Variants in XRCC4 observed in about 807,000 individuals in gnomAD.
XRCC4 encodes the protein DNA repair protein XRCC4.
In XRCC4, 28 loss-of-function variants were observed where a neutral mutation model predicts 39.1. The ratio of observed to expected loss-of-function variants is 0.72; its 90% confidence interval spans 0.53 to 0.98. The LOEUF is 0.98. Ranked by LOEUF, XRCC4 falls within the 50% of genes least tolerant of loss-of-function variation. The pLI, the probability that XRCC4 is intolerant of heterozygous loss-of-function variation, is 0.00. For missense variants in XRCC4, 350 were observed against 376.4 expected, an observed-to-expected ratio of 0.93 and a Z score of 0.58; for synonymous variants, 123 against 126.4, an observed-to-expected ratio of 0.97 and a Z score of 0.18.
At chr5:83,309,284 AAAAAAAAAAAAAAT>A (rs1243568299) in intron 7 of XRCC4, among the ~76,000 whole-genome samples, 2 of 119,244 alleles carry the variant, frequency 1.7e-5, no homozygotes, top group Admixed American at 9.7e-5. Context: ...AAAAAAAAAA[AAAAAAAAAAAAAAT>A]ATATATATAT....
intron 3 of XRCC4, among the ~76,000 whole-genome samples, chr5:83,156,038 C>A (rs1748943958): frequency 6.6e-6 from 1 of 151,972 alleles, no homozygotes; most frequent in African/African-American, 2.4e-5. Context: ...TAATTTAAAT[C>A]TTTACATTCA....
intron 6 of XRCC4, among the ~76,000 whole-genome samples, chr5:83,226,901 A>G (rs1274000740): frequency 6.6e-6 from 1 of 151,994 alleles, no homozygotes; most frequent in Non-Finnish European, 1.5e-5. Context: ...TTAGAAAAGT[A>G]TTGGTCATTG....
intron 7 of XRCC4, among the ~76,000 whole-genome samples, chr5:83,328,607 C>T (rs1224767457): frequency 2.6e-5 from 4 of 152,154 alleles, no homozygotes; most frequent in East Asian, 1.9e-4. Flanking sequence ...TGTAGTTTCA[C>T]TTATTTGTCA....
chr5:83,301,542 A>C (rs1018934754), intron 7 of XRCC4, among the ~76,000 whole-genome samples: 2 of 152,052 alleles, frequency 1.3e-5, no homozygotes, highest in African/African-American at 4.8e-5. Flanking sequence ...CACTCTGATG[A>C]TAGTTTCCTT....
chr5:83,320,422 C>T (rs956809249), intron 7 of XRCC4, among the ~76,000 whole-genome samples: 16 of 149,006 alleles, frequency 1.1e-4, no homozygotes, highest in African/African-American at 4.9e-5. Flanking sequence ...CCACTCCTGG[C>T]GAAGATTCTA....
chr5:83,111,152 T>C lies in XRCC4; in HGVS notation c.264T>C (p.Phe88=), dbSNP rs1746427536. ...CAGCTGATGTATACACGTTTAATTT[T>C]TCTAAAGAGTCTTGTTATTTCTTCT... ...AGPADVYTFN[F]SKESCYFFFE... The change falls in exon 3 of 8, where the codon TTT becomes TTC. Residue 88 remains phenylalanine, a synonymous_variant. Transcript: ENST00000396027. 6.2e-7 allele frequency: 1 copy of C among 1,603,168 alleles called. No individual in the cohort carries two copies. The highest frequency in any genetic ancestry group is 8.5e-7 in the Non-Finnish European group (1 of 1,176,576).
chr5:83,184,463 G>A (rs1386001744), intron 3 of XRCC4, among the ~76,000 whole-genome samples: 2 of 151,810 alleles, frequency 1.3e-5, no homozygotes. Flanking sequence ...ATTTTTTAAT[G>A]GGAAGGAGCT....
chr5:83,228,708 TA>T (rs1403499638), intron 6 of XRCC4, among the ~76,000 whole-genome samples: 4 of 152,016 alleles, frequency 2.6e-5, no homozygotes, highest in Admixed American at 1.3e-4. Context: ...TTTTATTCAC[TA>T]AAAAAACAAT....
intron 7 of XRCC4, among the ~76,000 whole-genome samples, chr5:83,352,187 A>G (rs918540655): frequency 9.9e-5 from 15 of 152,202 alleles, no homozygotes; most frequent in African/African-American, 3.6e-4. Flanking sequence ...TTCAAGTCCC[A>G]TGCTTTCTCA....
At chr5:83,307,691 GA>G (rs1226702803) in intron 7 of XRCC4, among the ~76,000 whole-genome samples, 1 of 152,030 alleles carries the variant, frequency 6.6e-6, no homozygotes, top group African/African-American at 2.4e-5. Context: ...GAGATAGAAA[GA>G]AAAAACAATT....
At position 83,241,397 on chromosome 5, in the gene XRCC4, AATCT is replaced by A. The variant is rs575290276; in HGVS notation, c.746-17128_746-17125del. ...AAGAAGCACGACATAATTTTACACA[AATCT>A]ATCTTTTTGTGTAATGAATATAATA... On this transcript the variant is annotated intron_variant, in intron 6 of 7. Coordinates refer to ENST00000396027, the MANE Select transcript of XRCC4 (RefSeq NM_003401.5). Among the ~76,000 whole-genome samples, 8 of 152,292 alleles carry A rather than the reference AATCT, an allele frequency of 5.3e-5. No homozygotes were observed. The South Asian group carries it at 6.2e-4, about 12-fold the overall frequency.
At chr5:83,263,308 T>C (rs1167078197) in intron 7 of XRCC4, among the ~76,000 whole-genome samples, 2 of 151,902 alleles carry the variant, frequency 1.3e-5, no homozygotes, top group Non-Finnish European at 2.9e-5. Context: ...TAAACATACA[T>C]GTGCATGTGT....
rs187721627 is a variant in XRCC4 at position 83,311,623 on chromosome 5, C to T, written c.894-41508C>T. On this transcript the variant is annotated intron_variant, in intron 7 of 7. Transcript: ENST00000396027. ...AATGTCAGCAATAAAAGACTTTCAA[C>T]CATAAAAAAATTACCAACAAAATTT... Among the ~76,000 whole-genome samples, 812 of 151,672 alleles carry T rather than the reference C, an allele frequency of 5.4e-3. 7 individuals carry two copies. Among genetic ancestry groups the T allele is most frequent in the African/African-American group, 0.019 (779 of 41,178 alleles).
At chr5:83,325,723 G>T (rs1441382090) in intron 7 of XRCC4, among the ~76,000 whole-genome samples, 1 of 152,044 alleles carries the variant, frequency 6.6e-6, no homozygotes, top group Admixed American at 6.6e-5. Context: ...TGAGCATTTA[G>T]GTTGATTCCA....
At chr5:83,361,896 T>A in the XRCC4 span, among the ~76,000 whole-genome samples, 49 of 152,238 alleles carry the variant, frequency 3.2e-4, no homozygotes, top group African/African-American at 1.1e-3. Flanking sequence ...TGACAACATA[T>A]ATCCATAGAG....
chr5:83,102,028 C>T (rs72767122), intron 1 of XRCC4, among the ~76,000 whole-genome samples: 5,958 of 152,066 alleles, frequency 0.039, 195 homozygotes, highest in South Asian at 0.15. Context: ...AAAAACATAA[C>T]AAAATACCCT....
rs539115862 is a variant in XRCC4, at chr5:83,081,089, T to C, written c.-11+3474T>C. Among the ~76,000 whole-genome samples the C allele has an allele frequency of 2.1e-3, 314 of 152,296 alleles. 2 individuals are homozygous for C. The highest frequency in any genetic ancestry group is 3.8e-3 in the Non-Finnish European group (259 of 68,026). On this transcript the variant is annotated intron_variant, in intron 1 of 7. Coordinates refer to ENST00000396027, the MANE Select transcript of XRCC4 (RefSeq NM_003401.5). The stretch of plus-strand genomic sequence containing the variant: ...AGAAGCATGCTCAGATTGAAGGCAG[T>C]TGGATTCAGCCTCCTCACGGGGCCT...
At chr5:83,126,255 C>G (rs765391324) in intron 3 of XRCC4, among the ~76,000 whole-genome samples, 56 of 152,030 alleles carry the variant, frequency 3.7e-4, no homozygotes, top group Non-Finnish European at 5.9e-4. Flanking sequence ...CTAAGTATTT[C>G]AGTCTTTTTG....
intron 3 of XRCC4, among the ~76,000 whole-genome samples, chr5:83,122,088 C>G (rs1347452800): frequency 6.6e-6 from 1 of 152,142 alleles, no homozygotes; most frequent in Non-Finnish European, 1.5e-5. Flanking sequence ...TATAATAAAT[C>G]ATGAAATCAG....
Sources: gnomAD v4.1 joint callset for allele counts (sites outside exome capture counted in the v4.1 genomes callset) on GRCh38, gnomAD v4.1.1 for gene constraint, MANE v1.5 for transcripts, NCBI Gene and HGNC (gene_info 2026-07-23, HGNC 2026-07-21) for gene names.